The following PRDM6 variants were observed in gnomAD, a reference collection of about 807,000 sequenced individuals.
PRDM6 encodes putative histone-lysine N-methyltransferase PRDM6.
PRDM6 carries 25 observed loss-of-function variants against 60.8 expected under a neutral mutation model. The observed-to-expected ratio is 0.41, with a 90% CI of 0.30 to 0.57. The LOEUF (loss-of-function observed/expected upper bound fraction) is 0.57. Ranked by LOEUF, PRDM6 falls within the 20% of genes least tolerant of loss-of-function variation. The pLI is 0.27. For synonymous variants in PRDM6, 407 were observed against 357.4 expected, an observed-to-expected ratio of 1.14 and a Z score of -1.57; for missense variants, 839 against 821.3, an observed-to-expected ratio of 1.02 and a Z score of -0.26.
intron 5 of PRDM6, among the ~76,000 whole-genome samples, chr5:123,166,087 C>T (rs1765745595): frequency 6.6e-6 from 1 of 152,188 alleles, no homozygotes. Flanking sequence ...TCCCGTCACC[C>T]CGTCAGATAT....
intron 2 of PRDM6, among the ~76,000 whole-genome samples, chr5:123,096,866 G>A (rs1038043340): frequency 1.3e-5 from 2 of 152,186 alleles, no homozygotes; most frequent in Non-Finnish European, 2.9e-5. Flanking sequence ...TATTAGAAGT[G>A]TGCTTTTTGT....
At chr5:123,172,966 C>T (rs983122903) in intron 6 of PRDM6, among the ~76,000 whole-genome samples, 5 of 152,106 alleles carry the variant, frequency 3.3e-5, no homozygotes, top group Admixed American at 6.5e-5. Context: ...CCGAGGCAGG[C>T]GGATCACGAG....
intron 7 of PRDM6, among the ~76,000 whole-genome samples, chr5:123,183,883 C>T (rs376131316): frequency 1.3e-5 from 2 of 152,078 alleles, no homozygotes; most frequent in African/African-American, 2.4e-5. Flanking sequence ...GTGAGCTGCC[C>T]GAAGCCTGGC....
chr5:123,192,725 G>A lies in PRDM6; in HGVS notation c.*5524G>A, dbSNP rs1194322116. ...AAGAGAATAAGGTTCGAACACTATC[G>A]ACAGGTAAAAACACATCCTCAACGG... On this transcript the variant is annotated 3_prime_UTR_variant, in exon 8 of 8. Transcript: ENST00000407847. The A allele has an allele frequency of 2.6e-5, 4 of 152,310 alleles. No individual in the cohort carries two copies. The highest frequency in any genetic ancestry group is 1.9e-4 in the East Asian group (1 of 5,184). 9.4% of individuals were successfully genotyped at this position (152,310 alleles called of 1,614,324 possible).
chr5:123,190,578 C>T lies in PRDM6; in HGVS notation c.*3377C>T, dbSNP rs994280869. On this transcript the variant is annotated 3_prime_UTR_variant, in exon 8 of 8. Coordinates refer to ENST00000407847, the MANE Select transcript of PRDM6 (RefSeq NM_001136239.4). ...ATTTAAATGTAGCCTTCTTGGGAAA[C>T]TATGTATAACAGGAAAAGATCATGA... 2.0e-5 allele frequency: 3 copies of T among 152,070 alleles called. No individual in the cohort carries two copies. Among genetic ancestry groups the T allele is most frequent in the Non-Finnish European group, 2.9e-5 (2 of 68,026 alleles). The allele number at this position is 152,070 out of a possible 1,614,324, so 9.4% of individuals were successfully genotyped here. A position where few individuals can be genotyped will look rare whatever the true frequency, so the allele number is the denominator to read the frequency against.
chr5:123,110,331 T>C (rs1764282633), intron 3 of PRDM6, among the ~76,000 whole-genome samples: 1 of 148,754 alleles, frequency 6.7e-6, no homozygotes, highest in Non-Finnish European at 1.5e-5. Context: ...CAATCCCGGC[T>C]CACTGCAACG....
chr5:123,175,124 T>TG (rs1323128102), intron 6 of PRDM6, among the ~76,000 whole-genome samples: 2 of 152,072 alleles, frequency 1.3e-5, no homozygotes, highest in African/African-American at 2.4e-5. Flanking sequence ...AGTATGGTGG[T>TG]GGGGGGTATG....
At chr5:123,185,547 G>A (rs185584667) in intron 7 of PRDM6, among the ~76,000 whole-genome samples, 1 of 152,286 alleles carries the variant, frequency 6.6e-6, no homozygotes, top group East Asian at 1.9e-4. Context: ...GAGCTGATAG[G>A]TCTGATACAT....
At position 123,099,898 on chromosome 5, in the gene PRDM6, C is replaced by A. The variant is rs187627988; in HGVS notation, c.837C>A (p.Gly279=). ...GCACCTGGATTGGACCTTTCCAAGG[C>A]GTGCTTCTGCCCCCAGAGAAGGTGC... ...QQGTWIGPFQ[G]VLLPPEKVQA... is the part of the protein sequence containing the mutation. The change falls in exon 3 of 8, where the codon GGC becomes GGA. Residue 279 remains glycine (G), a synonymous_variant. Coordinates refer to ENST00000407847, the MANE Select transcript of PRDM6 (RefSeq NM_001136239.4). This position sits in a 1 kb window ranked among gnomAD's most constrained non-coding sequence, Gnocchi z 4.0. The A allele has an allele frequency of 3.8e-4, 590 of 1,548,604 alleles. 4 individuals are homozygous for A. The African/African-American group carries it at 7.3e-3, about 19-fold the overall frequency.
At position 123,090,639 on chromosome 5, in the gene PRDM6, GGGCGCCGGCGCCGGCGCC is replaced by G. The variant is rs71572187; in HGVS notation, c.592+38_592+55del. On this transcript the variant is annotated intron_variant, in intron 2 of 7. Transcript: ENST00000407847. ...GCCGCAGCCCGCGCGCTCTCTCCCG[GGGCGCCGGCGCCGGCGCC>G]GGCGGGCGCGGGTGCCTGTCAGGGA... is the stretch of plus-strand genomic sequence containing the variant. 4 of 1,453,306 alleles carry G rather than the reference GGGCGCCGGCGCCGGCGCC, an allele frequency of 2.8e-6. No homozygotes were observed. In the East Asian group the frequency reaches 1.1e-4, roughly 39 times the overall value. The allele number at this position is 1,453,306 out of a possible 1,614,324, so 90.0% of individuals were successfully genotyped here. A position where few individuals can be genotyped will look rare whatever the true frequency, so the allele number is the denominator to read the frequency against.
At position 123,090,317 on chromosome 5, in the gene PRDM6, T is replaced by G; in HGVS notation, c.303T>G (p.Ala101=). 1 of 1,475,138 alleles carries G rather than the reference T, an allele frequency of 6.8e-7. No individual in the cohort carries two copies. The highest frequency in any genetic ancestry group is 9.0e-7 in the Non-Finnish European group (1 of 1,113,408). The allele number at this position is 1,475,138 out of a possible 1,614,324, so 91.4% of individuals were successfully genotyped here. The change falls in exon 2 of 8, where the codon GCT becomes GCG. Residue 101 remains alanine, a synonymous_variant. Transcript: ENST00000407847. Reference sequence around the variant, plus strand: ...CCTCCTCCTGCGCTGCTGCGGCCGCTGCCGCCGCGCTGGCTGGTCTCTCGG... The same window carrying G: ...CCTCCTCCTGCGCTGCTGCGGCCGCGGCCGCCGCGCTGGCTGGTCTCTCGG... ...SSASSCAAAA[A]AAALAGLSAL...
intron 5 of PRDM6, among the ~76,000 whole-genome samples, chr5:123,169,126 A>C (rs1439893239): frequency 1.3e-5 from 2 of 152,174 alleles, no homozygotes; most frequent in Non-Finnish European, 2.9e-5. Flanking sequence ...TATCCTTTTC[A>C]AAATTTTTGG....
intron 6 of PRDM6, among the ~76,000 whole-genome samples, chr5:123,175,739 G>C (rs778579633): frequency 1.2e-4 from 19 of 152,118 alleles, no homozygotes; most frequent in Non-Finnish European, 2.6e-4. Context: ...TTGTCCTGGA[G>C]GCCATGGAAG....
chr5:123,187,107 G>C lies in PRDM6; in HGVS notation c.1694G>C (p.Ser565Thr), dbSNP rs373228627. The change falls in exon 8 of 8, where the codon AGC (serine) becomes ACC (threonine). Residue 565 changes from serine to threonine, a missense_variant. Coordinates refer to ENST00000407847, the MANE Select transcript of PRDM6 (RefSeq NM_001136239.4). ...KPFKCERCER[S>T]FTQATQLSRH... ...ACCAGGTGCGAGAGGTGTGAGAGGA[G>C]CTTCACGCAGGCCACCCAGCTGAGC... The C allele has an allele frequency of 4.2e-5, 65 of 1,551,380 alleles. No individual in the cohort carries two copies. In the African/African-American group the frequency reaches 8.4e-4, roughly 20 times the overall value.
At chr5:123,186,683 A>G (rs1766295911) in intron 7 of PRDM6, among the ~76,000 whole-genome samples, 1 of 152,334 alleles carries the variant, frequency 6.6e-6, no homozygotes, top group Middle Eastern at 3.4e-3. Flanking sequence ...AGAATTCCCA[A>G]TTGTAAATTA....
rs545198128 is a variant in PRDM6 at position 123,133,476 on chromosome 5, A to G, written c.901-22408A>G. ...GACAAAAGAGCAAAACACAACCTAAATATCCTTTTTTATTAAAAGTCAGAA... is the reference window on the plus strand; with the variant it reads ...GACAAAAGAGCAAAACACAACCTAAGTATCCTTTTTTATTAAAAGTCAGAA... On this transcript the variant is annotated intron_variant, in intron 3 of 7. Coordinates refer to ENST00000407847, the MANE Select transcript of PRDM6 (RefSeq NM_001136239.4). Among the ~76,000 whole-genome samples, 191 of 152,100 alleles carry G rather than the reference A, an allele frequency of 1.3e-3. 1 individual carries two copies. Among genetic ancestry groups the G allele is most frequent in the Non-Finnish European group, 1.2e-3 (84 of 67,944 alleles).
At chr5:123,174,109 A>G (rs1236590895) in intron 6 of PRDM6, among the ~76,000 whole-genome samples, 2 of 152,178 alleles carry the variant, frequency 1.3e-5, no homozygotes, top group African/African-American at 4.8e-5. Context: ...TGGATTTGGG[A>G]TGTTTGCATT....
At chr5:123,142,877 C>CAAAAAAAAAAAAAAAAAAAAAAAAA in intron 3 of PRDM6, among the ~76,000 whole-genome samples, 7 of 27,368 alleles carry the variant, frequency 2.6e-4, no homozygotes, top group African/African-American at 6.6e-4. Flanking sequence ...CAGTGAAGAC[C>CAAAAAAAAAAAAAAAAAAAAAAAAA]AAAAAAAAAA....
rs568870542 is a variant in PRDM6, at chr5:123,132,256, C to G, written c.901-23628C>G. On this transcript the variant is annotated intron_variant, in intron 3 of 7. Transcript: ENST00000407847. ...TCAGTGCTAAGAATCCCATGCATTACCACGTGGGGTGTATAAATGTAGAGA... is the reference window on the plus strand; with the variant it reads ...TCAGTGCTAAGAATCCCATGCATTAGCACGTGGGGTGTATAAATGTAGAGA... Among the ~76,000 whole-genome samples, 10 of 152,234 alleles carry G rather than the reference C, an allele frequency of 6.6e-5. No individual in the cohort carries two copies. The South Asian group carries it at 2.1e-3, about 32-fold the overall frequency.
Sources: allele counts gnomAD v4.1 joint callset (sites outside exome capture counted in the v4.1 genomes callset), GRCh38; gene constraint gnomAD v4.1.1; non-coding constraint Gnocchi (gnomAD v3.1); transcripts MANE v1.5; gene names NCBI Gene and HGNC (gene_info 2026-07-23, HGNC 2026-07-21).